Variants in SERTAD2 observed in about 807,000 individuals in gnomAD.
SERTAD2 encodes the protein SERTA domain containing 2, also known as SERTA domain-containing protein 2.
A neutral mutation model predicts 15.4 loss-of-function variants in SERTAD2; 2 were observed. The ratio of observed to expected loss-of-function variants is 0.13; its 90% confidence interval spans 0.05 to 0.41. The LOEUF is 0.41. Among genes scored for constraint, SERTAD2 ranks in the 10% least tolerant of loss-of-function variants. The probability of loss-of-function intolerance (pLI) is 0.99; values close to 1 mark genes in which losing one functional copy is unlikely to be tolerated. For missense variants in SERTAD2, 333 were observed against 409.7 expected, an observed-to-expected ratio of 0.81 and a Z score of 1.62; for synonymous variants, 180 against 178.0, an observed-to-expected ratio of 1.01 and a Z score of -0.09.
At chr2:64,647,192 T>C (rs1484578302) in intron 1 of SERTAD2, among the ~76,000 whole-genome samples, 1 of 152,244 alleles carries the variant, frequency 6.6e-6, no homozygotes, top group Non-Finnish European at 1.5e-5. Flanking sequence ...GTTCAGGTTA[T>C]ATGATGTTGT....
At chr2:64,637,882 T>C (rs1674693241) in intron 1 of SERTAD2, among the ~76,000 whole-genome samples, 1 of 152,230 alleles carries the variant, frequency 6.6e-6, no homozygotes, top group African/African-American at 2.4e-5. Context: ...CAACTGGTTG[T>C]CACCTTCTGG....
chr2:64,643,307 G>A (rs1202008128), intron 1 of SERTAD2, among the ~76,000 whole-genome samples: 1 of 152,230 alleles, frequency 6.6e-6, no homozygotes, highest in Non-Finnish European at 1.5e-5. Context: ...TAAGTGGTAT[G>A]TTGTTTTAAA....
rs1674541877 is a variant in SERTAD2, at chr2:64,631,915, C to A, written c.*4012G>T. On this transcript the variant is annotated 3_prime_UTR_variant, in exon 2 of 2. Transcript: ENST00000313349. ...CTCGGTCATGCGCACATATGGCCTGCATTTCTCTTCCAAAACTTGTTATCC... is the reference window on the plus strand; with the variant it reads ...CTCGGTCATGCGCACATATGGCCTGAATTTCTCTTCCAAAACTTGTTATCC... 1 of 152,646 alleles carries A rather than the reference C, an allele frequency of 6.6e-6. No homozygotes were observed. The highest frequency in any genetic ancestry group is 2.4e-5 in the African/African-American group (1 of 41,446). 9.5% of individuals were successfully genotyped at this position (152,646 alleles called of 1,614,324 possible). A position where few individuals can be genotyped will look rare whatever the true frequency, so the allele number is the denominator to read the frequency against.
At chr2:64,651,989 T>TA (rs148142062) in intron 1 of SERTAD2, among the ~76,000 whole-genome samples, 1,492 of 139,106 alleles carry the variant, frequency 0.011, 16 homozygotes, top group African/African-American at 0.032. Flanking sequence ...GTGAAACAAG[T>TA]AAAAAAAAAA....
Position 64,636,540 on chromosome 2 carries a change from G to A in SERTAD2, c.332C>T (p.Ala111Val), listed in dbSNP as rs377127082. The change falls in exon 2 of 2, where the codon GCG becomes GTG. Residue 111 changes from alanine to valine, a missense_variant. Physicochemically the swap from Ala to Val is moderately conservative, Grantham distance 64. This residue lies in a region of SERTAD2 where 332 missense variants were observed against 392.9 expected (regional missense o/e 0.84). Transcript: ENST00000313349. ...REAPPAFSHLASPSSHPCDLG... is the reference protein window; with the variant it reads ...REAPPAFSHLVSPSSHPCDLG... ...GTCGCAGGGGTGGGAGGACGGGGAC[G>A]CCAGGTGGCTGAAGGCCGGCGGGGC... is the stretch of plus-strand genomic sequence containing the variant. 26 of 1,598,506 alleles carry A rather than the reference G, an allele frequency of 1.6e-5. No individual in the cohort carries two copies. In the African/African-American group the frequency reaches 2.4e-4, roughly 15 times the overall value.
At chr2:64,644,113 C>T (rs1674843729) in intron 1 of SERTAD2, among the ~76,000 whole-genome samples, 1 of 152,188 alleles carries the variant, frequency 6.6e-6, no homozygotes, top group African/African-American at 2.4e-5. Context: ...TATGAGAAGG[C>T]TGGCAGCGGT....
intron 1 of SERTAD2, among the ~76,000 whole-genome samples, chr2:64,652,522 T>G (rs1346494680): frequency 1.3e-5 from 2 of 152,234 alleles, no homozygotes; most frequent in East Asian, 3.8e-4. Flanking sequence ...ACATTATGGA[T>G]ATTTCTTAAC....
At chr2:64,644,017 C>T (rs1424134158) in intron 1 of SERTAD2, among the ~76,000 whole-genome samples, 2 of 152,182 alleles carry the variant, frequency 1.3e-5, no homozygotes, top group African/African-American at 4.8e-5. Context: ...AAGATGAGGC[C>T]TTTAACCCAA....
Position 64,633,528 on chromosome 2 carries a change from A to G in SERTAD2, c.*2399T>C, listed in dbSNP as rs896260420. On this transcript the variant is annotated 3_prime_UTR_variant, in exon 2 of 2. Coordinates refer to ENST00000313349, the MANE Select transcript of SERTAD2 (RefSeq NM_014755.3). Reference sequence around the variant, plus strand: ...ACCCTGTTATTGTTCAGAATCATCAATACTATTGTATATGTGTACGTAGGT... The same window carrying G: ...ACCCTGTTATTGTTCAGAATCATCAGTACTATTGTATATGTGTACGTAGGT... The G allele has an allele frequency of 6.6e-6, 1 of 152,396 alleles. No individual in the cohort carries two copies. Among genetic ancestry groups the G allele is most frequent in the Admixed American group, 6.5e-5 (1 of 15,308 alleles). 9.4% of individuals were successfully genotyped at this position (152,396 alleles called of 1,614,324 possible). A position where few individuals can be genotyped will look rare whatever the true frequency, so the allele number is the denominator to read the frequency against.
intron 1 of SERTAD2, among the ~76,000 whole-genome samples, chr2:64,640,447 T>C (rs1486002954): frequency 6.7e-6 from 1 of 149,190 alleles, no homozygotes; most frequent in African/African-American, 2.5e-5. Context: ...AAGGTCAGGG[T>C]CGGCCCAGCT....
rs1573079541 is a variant in SERTAD2 at position 64,634,269 on chromosome 2, T to A, written c.*1658A>T. The A allele has an allele frequency of 6.6e-6, 1 of 151,518 alleles. No homozygotes were observed. Among genetic ancestry groups the A allele is most frequent in the East Asian group, 1.9e-4 (1 of 5,140 alleles). The allele number at this position is 151,518 out of a possible 1,614,324, so 9.4% of individuals were successfully genotyped here. On this transcript the variant is annotated 3_prime_UTR_variant, in exon 2 of 2. Coordinates refer to ENST00000313349, the MANE Select transcript of SERTAD2 (RefSeq NM_014755.3). ...AGAAAAAACTGAAACAAGAAGGCCATAAACAGTTTCGGCAACAAGCATGAT... is the reference window on the plus strand; with the variant it reads ...AGAAAAAACTGAAACAAGAAGGCCAAAAACAGTTTCGGCAACAAGCATGAT...
At chr2:64,639,973 A>G (rs1674736430) in intron 1 of SERTAD2, among the ~76,000 whole-genome samples, 1 of 151,862 alleles carries the variant, frequency 6.6e-6, no homozygotes, top group African/African-American at 2.4e-5. Flanking sequence ...AGACACACAC[A>G]CCAAATCTTG....
Position 64,636,727 on chromosome 2 carries a change from A to G in SERTAD2, c.145T>C (p.Tyr49His). 1 of 1,614,162 alleles carries G rather than the reference A, an allele frequency of 6.2e-7. No homozygotes were observed. Among genetic ancestry groups the G allele is most frequent in the East Asian group, 2.2e-5 (1 of 44,876 alleles). The stretch of plus-strand genomic sequence containing the variant: ...GGCTCTGTCAGGGGCCTGTGGTTAT[A>G]GAGTTTCATAAGGGAAATGTTGAAG... ...TIFNISLMKL[Y>H]NHRPLTEPSL... is the part of the protein sequence containing the mutation. The change falls in exon 2 of 2, where the codon TAT becomes CAT. Residue 49 changes from tyrosine (Y) to histidine (H), a missense_variant. Transcript: ENST00000313349.
At chr2:64,636,913 T>C (rs1674675171) in intron 1 of SERTAD2, 38 bp from the exon 2 acceptor site, 1 of 1,400,248 alleles carries the variant, frequency 7.1e-7, no homozygotes, top group Non-Finnish European at 9.8e-7. Context: ...ATTAATCACA[T>C]GAAAGCTGAT....
At chr2:64,652,145 A>G (rs1329257158) in intron 1 of SERTAD2, among the ~76,000 whole-genome samples, 1 of 152,326 alleles carries the variant, frequency 6.6e-6, no homozygotes, top group South Asian at 2.1e-4. Flanking sequence ...CCCTGAAAAA[A>G]TAAACAGAAA....
Position 64,636,568 on chromosome 2 carries a change from C to T in SERTAD2, c.304G>A (p.Glu102Lys). Residue 102 changes from glutamate (E) to lysine (K), a missense_variant, in exon 2 of 2, where the codon GAG (glutamate) becomes AAG (lysine). Glu to Lys is a moderately conservative substitution (Grantham distance 56). Transcript: ENST00000313349. ...AGGTGGCTGAAGGCCGGCGGGGCCT[C>T]TCGGTAGCTGTCGCTGGGCTCGGTG... ...PTTEPSDSYR[E>K]APPAFSHLAS... 1 of 1,596,902 alleles carries T rather than the reference C, an allele frequency of 6.3e-7. No homozygotes were observed. Among genetic ancestry groups the T allele is most frequent in the Non-Finnish European group, 8.5e-7 (1 of 1,170,082 alleles).
At chr2:64,652,772 A>C (rs765742493) in intron 1 of SERTAD2, among the ~76,000 whole-genome samples, 9 of 152,008 alleles carry the variant, frequency 5.9e-5, no homozygotes, top group Non-Finnish European at 1.3e-4. Context: ...TATACCTGAT[A>C]TTTTCGTGAA....
chr2:64,651,807 T>C lies in SERTAD2; in HGVS notation c.-5+1813A>G, dbSNP rs1105477. On this transcript the variant is annotated intron_variant, in intron 1 of 1. Coordinates refer to ENST00000313349, the MANE Select transcript of SERTAD2 (RefSeq NM_014755.3). ...TAAAACCGTTCCCTAGGACACCTCC[T>C]GTCACACATACACTTGGTTGGCTTT... 6.9e-3 allele frequency among the ~76,000 whole-genome samples: 1,044 copies of C among 152,308 alleles called. 14 individuals carry two copies. Among genetic ancestry groups the C allele is most frequent in the African/African-American group, 0.022 (924 of 41,576 alleles).
intron 1 of SERTAD2, among the ~76,000 whole-genome samples, chr2:64,645,473 TG>T (rs1313935588): frequency 2.0e-5 from 3 of 152,234 alleles, no homozygotes; most frequent in Non-Finnish European, 4.4e-5. Context: ...TTTTACTGTT[TG>T]GGGTTGTTTT....
Sources: gnomAD v4.1 joint callset for allele counts (sites outside exome capture counted in the v4.1 genomes callset) on GRCh38, gnomAD v4.1.1 for gene constraint, gnomAD v4.1.1 regional missense constraint, MANE v1.5 for transcripts, NCBI Gene and HGNC (gene_info 2026-07-23, HGNC 2026-07-21) for gene names.